The following NRXN2 variants were observed in gnomAD, a reference collection of about 807,000 sequenced individuals.
NRXN2 encodes neurexin 2.
In NRXN2, 29 loss-of-function variants were observed where a neutral mutation model predicts 128.8. That is an observed-to-expected ratio of 0.23 (90% CI 0.17 to 0.31). The LOEUF (loss-of-function observed/expected upper bound fraction) is 0.31. Among genes scored for constraint, NRXN2 ranks in the 10% least tolerant of loss-of-function variants. The pLI is 1.00. For missense variants in NRXN2, 1,881 were observed against 2,452.6 expected, an observed-to-expected ratio of 0.77 and a Z score of 4.92; for synonymous variants, 1,098 against 1,075.2, an observed-to-expected ratio of 1.02 and a Z score of -0.41.
At chr11:64,668,137 A>G (rs920837290) in intron 8 of NRXN2, among the ~76,000 whole-genome samples, 1 of 152,186 alleles carries the variant, frequency 6.6e-6, no homozygotes, top group African/African-American at 2.4e-5. Flanking sequence ...CACAGAACCA[A>G]TGAGTGGAAG....
At chr11:64,708,841 TAAAC>T (rs918217561) in intron 2 of NRXN2, among the ~76,000 whole-genome samples, 1 of 152,214 alleles carries the variant, frequency 6.6e-6, no homozygotes. Flanking sequence ...ATACTCACAC[TAAAC>T]AGATATAAAA....
At chr11:64,608,724 C>T (rs990413198) in intron 22 of NRXN2, among the ~76,000 whole-genome samples, 2 of 152,182 alleles carry the variant, frequency 1.3e-5, no homozygotes, top group Non-Finnish European at 2.9e-5. Context: ...CTGCTCCCTG[C>T]GCATCCTGCC....
At chr11:64,682,512 T>A (rs968597224) in intron 6 of NRXN2, among the ~76,000 whole-genome samples, 1 of 151,880 alleles carries the variant, frequency 6.6e-6, no homozygotes, top group African/African-American at 2.4e-5. Flanking sequence ...TTTGAGGGAC[T>A]CCATCCTTGA....
intron 19 of NRXN2, among the ~76,000 whole-genome samples, chr11:64,628,013 A>G (rs529922368): frequency 6.6e-6 from 1 of 152,256 alleles, no homozygotes; most frequent in African/African-American, 2.4e-5. Context: ...CTTTCCCTAT[A>G]GATTCAGGAT....
chr11:64,665,075 G>T (rs957897965), intron 9 of NRXN2, among the ~76,000 whole-genome samples: 1 of 151,940 alleles, frequency 6.6e-6, no homozygotes, highest in Admixed American at 6.6e-5. Flanking sequence ...GAGGTCAAGA[G>T]TTCGAGACCA....
chr11:64,704,319 G>C (rs1033115289), intron 2 of NRXN2, among the ~76,000 whole-genome samples: 3 of 152,014 alleles, frequency 2.0e-5, no homozygotes, highest in Admixed American at 6.6e-5. Context: ...AAAGGGAAAA[G>C]AAAAGACTCT....
At chr11:64,688,764 T>C in intron 5 of NRXN2, 5 of 985,286 alleles carry the variant, frequency 5.1e-6, no homozygotes, top group African/African-American at 3.5e-5. Flanking sequence ...AGACTAGTTG[T>C]TGTGGTCCTG....
intron 21 of NRXN2, among the ~76,000 whole-genome samples, chr11:64,620,843 C>T (rs1411994070): frequency 1.3e-5 from 2 of 151,196 alleles, no homozygotes; most frequent in African/African-American, 4.9e-5. Flanking sequence ...TCTCCCAACC[C>T]CCTTTCCTGG....
chr11:64,638,059 T>C (rs2045040372), intron 17 of NRXN2, among the ~76,000 whole-genome samples: 4 of 151,520 alleles, frequency 2.6e-5, no homozygotes, highest in South Asian at 4.2e-4. Context: ...CCAGGAAACA[T>C]GGCGGTGAAG....
rs372887399 is a variant in NRXN2, at chr11:64,648,896, T to C, written c.3121A>G (p.Ile1041Val). 4.6e-5 allele frequency: 74 copies of C among 1,614,044 alleles called. No homozygotes were observed. Among genetic ancestry groups the C allele is most frequent in the Middle Eastern group, 1.6e-4 (1 of 6,084 alleles). The change falls in exon 16 of 23, where the codon ATT (isoleucine) becomes GTT (valine). Residue 1041 changes from isoleucine to valine, a missense_variant. Coordinates refer to ENST00000265459, the MANE Select transcript of NRXN2 (RefSeq NM_015080.4). The surrounding 1 kb of genome is among the most constrained non-coding windows in gnomAD (Gnocchi z 4.1). ...RNLDLKGELY[I>V]GGLSKNMFSN... ...AACATATTCTTGCTCAGACCGCCAA[T>C]GTACAACTCCCCTGCAAAGGGAGTG... is the stretch of plus-strand genomic sequence containing the variant.
chr11:64,661,072 C>T lies in NRXN2; in HGVS notation c.1866G>A (p.Leu622=). Residue 622 remains leucine (L), a synonymous_variant, in exon 10 of 23, where the codon CTG becomes CTA. Transcript: ENST00000265459. The part of the protein sequence containing the change: ...LATGDSEILD[L]ESELYLGGLP... The stretch of plus-strand genomic sequence containing the variant: ...GACCGCCCAGGTACAGCTCACTCTC[C>T]AGGTCCAGAATCTCGCTGTCTCCAG... 1 of 1,613,530 alleles carries T rather than the reference C, an allele frequency of 6.2e-7. No individual in the cohort carries two copies. Among genetic ancestry groups the T allele is most frequent in the Non-Finnish European group, 8.5e-7 (1 of 1,180,028 alleles).
intron 7 of NRXN2, among the ~76,000 whole-genome samples, chr11:64,669,371 C>T (rs1218893824): frequency 1.3e-5 from 2 of 152,200 alleles, no homozygotes; most frequent in African/African-American, 4.8e-5. Flanking sequence ...GCTACATCAA[C>T]CCACTCTTCC....
chr11:64,683,003 CT>C lies in NRXN2; in HGVS notation c.1152+2642del, dbSNP rs149852179. 8.2e-3 allele frequency among the ~76,000 whole-genome samples: 1,253 copies of C among 152,300 alleles called. 8 individuals are homozygous for C. Among genetic ancestry groups the C allele is most frequent in the Middle Eastern group, 0.02 (6 of 294 alleles). On this transcript the variant is annotated intron_variant, in intron 6 of 22. Coordinates refer to ENST00000265459, the MANE Select transcript of NRXN2 (RefSeq NM_015080.4). ...TTCTGCCTCCTTCCAGTCTTTGGAG[CT>C]GGCCTTTGACCCACTCCCATGGCTG...
At chr11:64,642,620 G>C (rs1432405326) in intron 17 of NRXN2, 1 of 1,609,976 alleles carries the variant, frequency 6.2e-7, no homozygotes, top group Non-Finnish European at 8.5e-7. Context: ...TGGTGGACGT[G>C]GTGGGTGGTG....
intron 22 of NRXN2, among the ~76,000 whole-genome samples, chr11:64,619,369 C>A (rs2041986213): frequency 6.6e-6 from 1 of 152,046 alleles, no homozygotes; most frequent in African/African-American, 2.4e-5. Context: ...GTATCCCACC[C>A]TCCCCCAGCT....
At chr11:64,653,304 G>A (rs907058537) in intron 12 of NRXN2, among the ~76,000 whole-genome samples, 2 of 152,020 alleles carry the variant, frequency 1.3e-5, no homozygotes, top group African/African-American at 2.4e-5. Flanking sequence ...ATGCAGCAGC[G>A]TATTCCAGCC....
At chr11:64,633,402 T>C (rs1200833576) in intron 18 of NRXN2, among the ~76,000 whole-genome samples, 1 of 152,196 alleles carries the variant, frequency 6.6e-6, no homozygotes, top group Non-Finnish European at 1.5e-5. Context: ...CTCTGTCCTC[T>C]TCCTATGCCA....
At chr11:64,612,737 G>C (rs1322824738) in intron 22 of NRXN2, among the ~76,000 whole-genome samples, 1 of 152,272 alleles carries the variant, frequency 6.6e-6, no homozygotes, top group Non-Finnish European at 1.5e-5. Context: ...AATTGAGGTT[G>C]AGCATATTCA....
chr11:64,694,347 G>A (rs2054214956), intron 3 of NRXN2, among the ~76,000 whole-genome samples: 1 of 152,234 alleles, frequency 6.6e-6, no homozygotes, highest in South Asian at 2.1e-4. Flanking sequence ...GATGGAAGTA[G>A]CAAGGTTAAA....
Sources: gnomAD v4.1 joint callset for allele counts (sites outside exome capture counted in the v4.1 genomes callset) on GRCh38, gnomAD v4.1.1 for gene constraint, Gnocchi (gnomAD v3.1) non-coding constraint, MANE v1.5 for transcripts, NCBI Gene and HGNC (gene_info 2026-07-23, HGNC 2026-07-21) for gene names.